Variants in NPTN observed in about 807,000 individuals in gnomAD.
NPTN encodes the protein neuroplastin, also known as SDR-1.
In NPTN, 5 loss-of-function variants were observed where a neutral mutation model predicts 42.7. The ratio of observed to expected loss-of-function variants is 0.12; its 90% CI spans 0.06 to 0.25. The LOEUF is 0.25. NPTN is among the 10% of genes least tolerant of loss of function. The pLI, the probability that NPTN is intolerant of heterozygous loss-of-function variation, is 1.00. For missense variants in NPTN, 307 were observed against 525.4 expected, an observed-to-expected ratio of 0.58 and a Z score of 4.06; for synonymous variants, 180 against 201.9, an observed-to-expected ratio of 0.89 and a Z score of 0.92.
At chr15:73,588,991 T>G (rs941329418) in intron 3 of NPTN, among the ~76,000 whole-genome samples, 2 of 152,130 alleles carry the variant, frequency 1.3e-5, no homozygotes, top group South Asian at 4.1e-4. Context: ...TGAATATCTA[T>G]GTACAGATTC....
At chr15:73,586,379 A>T (rs1237763930) in intron 4 of NPTN, among the ~76,000 whole-genome samples, 1 of 152,244 alleles carries the variant, frequency 6.6e-6, no homozygotes, top group African/African-American at 2.4e-5. Context: ...CACTAAAAAA[A>T]TCAAATGCTA....
intron 1 of NPTN, among the ~76,000 whole-genome samples, chr15:73,613,789 G>A (rs971613585): frequency 3.9e-5 from 6 of 151,962 alleles, no homozygotes; most frequent in East Asian, 1.9e-4. Flanking sequence ...GGATTCAAGC[G>A]ATTCTCCTGC....
intron 4 of NPTN, among the ~76,000 whole-genome samples, chr15:73,582,931 C>T (rs1418199129): frequency 6.6e-6 from 1 of 152,210 alleles, no homozygotes; most frequent in Non-Finnish European, 1.5e-5. Flanking sequence ...AGTTTTGAGA[C>T]TCGGACTGGC....
intron 1 of NPTN, among the ~76,000 whole-genome samples, chr15:73,618,616 C>T (rs1464081134): frequency 6.6e-6 from 1 of 152,162 alleles, no homozygotes; most frequent in South Asian, 2.1e-4. Flanking sequence ...TGGCTCAAGC[C>T]TGTAATCCCA....
intron 3 of NPTN, among the ~76,000 whole-genome samples, chr15:73,588,524 C>T (rs1405954574): frequency 6.6e-6 from 1 of 152,152 alleles, no homozygotes; most frequent in Non-Finnish European, 1.5e-5. Flanking sequence ...TGATCTGGCC[C>T]CTGTCTATAT....
At chr15:73,631,358 G>C (rs1465533354) in intron 1 of NPTN, among the ~76,000 whole-genome samples, 1 of 152,130 alleles carries the variant, frequency 6.6e-6, no homozygotes, top group Admixed American at 6.5e-5. Flanking sequence ...CATGCTTAGA[G>C]GAAAACAGGA....
At chr15:73,567,214 T>C in intron 6 of NPTN, 1 of 985,292 alleles carries the variant, frequency 1.0e-6, no homozygotes, top group Non-Finnish European at 1.2e-6. Flanking sequence ...GCCCAAAATA[T>C]GACGACTGTG....
intron 5 of NPTN, among the ~76,000 whole-genome samples, chr15:73,572,109 G>C (rs1895434389): frequency 6.6e-6 from 1 of 152,176 alleles, no homozygotes; most frequent in South Asian, 2.1e-4. Context: ...AATCATCGCT[G>C]ATGTTGGAGT....
intron 1 of NPTN, among the ~76,000 whole-genome samples, chr15:73,605,253 T>A (rs1414860306): frequency 1.3e-5 from 2 of 151,916 alleles, no homozygotes; most frequent in African/African-American, 4.8e-5. Context: ...CTTTCCATTT[T>A]CCAAAAGAAA....
At chr15:73,578,518 G>T (rs1474292156) in intron 4 of NPTN, among the ~76,000 whole-genome samples, 1 of 152,224 alleles carries the variant, frequency 6.6e-6, no homozygotes, top group East Asian at 1.9e-4. Flanking sequence ...TTTGGCCTGT[G>T]TAACTGTGAG....
intron 6 of NPTN, among the ~76,000 whole-genome samples, chr15:73,564,950 A>C (rs1220959190): frequency 2.6e-5 from 4 of 152,226 alleles, no homozygotes; most frequent in Non-Finnish European, 5.9e-5. Flanking sequence ...TAGCCAGGCT[A>C]ATCTTTTCAA....
chr15:73,581,298 G>C (rs1424305790), intron 4 of NPTN, among the ~76,000 whole-genome samples: 1 of 152,190 alleles, frequency 6.6e-6, no homozygotes, highest in African/African-American at 2.4e-5. Flanking sequence ...AAGCAGGTCT[G>C]AGCGTCTAAC....
chr15:73,605,049 G>A (rs1264769906), intron 1 of NPTN, among the ~76,000 whole-genome samples: 1 of 147,134 alleles, frequency 6.8e-6, no homozygotes, highest in Non-Finnish European at 1.5e-5. Flanking sequence ...AGTGAGCTAT[G>A]ATCATTCCAC....
chr15:73,614,173 A>T (rs988158735), intron 1 of NPTN, among the ~76,000 whole-genome samples: 117 of 151,494 alleles, frequency 7.7e-4, no homozygotes, highest in African/African-American at 2.7e-3. Flanking sequence ...AAAAAAAAAA[A>T]GCTGGGCATG....
At position 73,567,883 on chromosome 15, in the gene NPTN, C is replaced by T. The variant is rs149284589; in HGVS notation, c.1114+2267G>A. ...CCCAATGCAACAACAACGAAGTAAA[C>T]GCTGCTTTCATTACAATACTCTCCC... On this transcript the variant is annotated intron_variant, in intron 6 of 8. Coordinates refer to ENST00000345330, the MANE Select transcript of NPTN (RefSeq NM_012428.4). The T allele has an allele frequency of 1.6e-4, 154 of 985,388 alleles. No individual in the cohort carries two copies. The Admixed American group carries it at 2.0e-3, about 13-fold the overall frequency. The allele number at this position is 985,388 out of a possible 1,614,324, so 61.0% of individuals were successfully genotyped here.
chr15:73,609,828 T>C (rs1897483833), intron 1 of NPTN, among the ~76,000 whole-genome samples: 1 of 152,202 alleles, frequency 6.6e-6, no homozygotes, highest in Admixed American at 6.5e-5. Flanking sequence ...TTTCAATATA[T>C]ATACAATGTG....
intron 1 of NPTN, among the ~76,000 whole-genome samples, chr15:73,618,016 A>G (rs1002279692): frequency 6.6e-6 from 1 of 152,238 alleles, no homozygotes; most frequent in African/African-American, 2.4e-5. Context: ...AGCAAATTCT[A>G]TGCTCCATGG....
intron 1 of NPTN, among the ~76,000 whole-genome samples, chr15:73,629,761 C>T (rs1227932429): frequency 6.6e-6 from 1 of 151,868 alleles, no homozygotes; most frequent in Non-Finnish European, 1.5e-5. Flanking sequence ...CCGGGTACCA[C>T]ACTCTATTTC....
chr15:73,572,988 T>G (rs1895495617), intron 5 of NPTN, among the ~76,000 whole-genome samples: 1 of 152,096 alleles, frequency 6.6e-6, no homozygotes, highest in East Asian at 1.9e-4. Context: ...CCTCCTTCAC[T>G]CTCTTCCTCC....
Sources: gnomAD v4.1 joint callset for allele counts (sites outside exome capture counted in the v4.1 genomes callset) on GRCh38, gnomAD v4.1.1 for gene constraint, MANE v1.5 for transcripts, NCBI Gene and HGNC (gene_info 2026-07-23, HGNC 2026-07-21) for gene names.